The following LRRIQ1 variants were observed in gnomAD, a reference collection of about 807,000 sequenced individuals.
The protein encoded by LRRIQ1 is leucine-rich repeat- and IQ domain-containing protein 1.
In LRRIQ1, 210 loss-of-function variants were observed where a neutral mutation model predicts 211.9. The observed-to-expected ratio is 0.99, with a 90% CI of 0.89 to 1.11. The LOEUF (loss-of-function observed/expected upper bound fraction) is 1.11. Ranked by LOEUF, LRRIQ1 falls within the 50% of genes most tolerant of loss-of-function variation. LRRIQ1 has a pLI of 0.00. For missense variants in LRRIQ1, 2,136 were observed against 1,939.5 expected, an observed-to-expected ratio of 1.10 and a Z score of -1.90; for synonymous variants, 699 against 650.1, an observed-to-expected ratio of 1.08 and a Z score of -1.14.
chr12:85,082,279 C>T (rs921424033), intron 11 of LRRIQ1, among the ~76,000 whole-genome samples: 2 of 152,012 alleles, frequency 1.3e-5, no homozygotes, highest in Admixed American at 6.6e-5. Flanking sequence ...AGAATGCTAT[C>T]GGTTATTTTT....
chr12:85,086,395 A>C (rs1416104579), intron 11 of LRRIQ1, among the ~76,000 whole-genome samples: 1 of 151,874 alleles, frequency 6.6e-6, no homozygotes, highest in Non-Finnish European at 1.5e-5. Flanking sequence ...CTGGTGGTTT[A>C]AAAGTGTGTA....
At chr12:85,272,269 A>G in the LRRIQ1 span, among the ~76,000 whole-genome samples, 1 of 152,206 alleles carries the variant, frequency 6.6e-6, no homozygotes, top group Non-Finnish European at 1.5e-5. Flanking sequence ...TCAAAGTTTT[A>G]TTAACCTAAA....
intron 24 of LRRIQ1, among the ~76,000 whole-genome samples, chr12:85,169,343 G>A (rs1258533748): frequency 6.6e-6 from 1 of 152,032 alleles, no homozygotes; most frequent in Non-Finnish European, 1.5e-5. Flanking sequence ...AATGTAAGTT[G>A]GAAGCCCTTA....
intron 24 of LRRIQ1, among the ~76,000 whole-genome samples, chr12:85,182,353 G>A (rs1432848512): frequency 3.3e-5 from 5 of 152,144 alleles, no homozygotes; most frequent in African/African-American, 1.2e-4. Flanking sequence ...GAGGTTGGTA[G>A]ATTAGAAGGA....
chr12:85,062,146 G>A (rs916570151), intron 8 of LRRIQ1, among the ~76,000 whole-genome samples: 4 of 151,716 alleles, frequency 2.6e-5, no homozygotes. Context: ...TTAATATAAT[G>A]TTTTTATAAT....
intron 24 of LRRIQ1, among the ~76,000 whole-genome samples, chr12:85,189,913 C>T (rs1182772783): frequency 7.1e-6 from 1 of 141,204 alleles, no homozygotes; most frequent in Non-Finnish European, 1.5e-5. Flanking sequence ...TCTGTAACTA[C>T]AGTTAATAAT....
chr12:85,148,932 G>A (rs1286774380), intron 19 of LRRIQ1, among the ~76,000 whole-genome samples: 2 of 151,808 alleles, frequency 1.3e-5, no homozygotes, highest in East Asian at 3.9e-4. Flanking sequence ...ATGTTTGTTG[G>A]CCATGTAAAT....
At chr12:85,211,429 GT>G (rs921338752) in intron 24 of LRRIQ1, among the ~76,000 whole-genome samples, 2 of 152,086 alleles carry the variant, frequency 1.3e-5, no homozygotes, top group Non-Finnish European at 2.9e-5. Context: ...CTGCAATAAT[GT>G]GTCAAATTTA....
At chr12:85,269,678 T>G in the LRRIQ1 span, among the ~76,000 whole-genome samples, 1 of 151,984 alleles carries the variant, frequency 6.6e-6, no homozygotes, top group Non-Finnish European at 1.5e-5. Context: ...TTGAGTTCCT[T>G]GAGGCCTTCA....
rs1338397740 is a variant in LRRIQ1, at chr12:85,138,918, G to A, written c.4329+949G>A. ...ATCATTGTAATCATGGTAGTCTTAC[G>A]TAGCAGATGTGTGAATGGAGTTCTA... On this transcript the variant is annotated intron_variant, in intron 19 of 26. Coordinates refer to ENST00000393217, the MANE Select transcript of LRRIQ1 (RefSeq NM_001079910.2). Among the ~76,000 whole-genome samples, 5 of 151,490 alleles carry A rather than the reference G, an allele frequency of 3.3e-5. No homozygotes were observed. In the East Asian group the frequency reaches 5.9e-4, roughly 18 times the overall value.
intron 8 of LRRIQ1, among the ~76,000 whole-genome samples, chr12:85,061,554 A>C (rs1454073229): frequency 1.3e-5 from 2 of 151,746 alleles, no homozygotes; most frequent in African/African-American, 4.8e-5. Flanking sequence ...CTAGAACTTA[A>C]TTGTGCTTGT....
intron 24 of LRRIQ1, 87 bp from the exon 25 acceptor site, chr12:85,229,430 T>C (rs911216690): frequency 5.3e-5 from 56 of 1,048,286 alleles, no homozygotes; most frequent in Non-Finnish European, 2.7e-5. Context: ...TTCTTTCTTG[T>C]GATAAAATGT....
At chr12:85,077,059 G>A (rs1048677609) in intron 11 of LRRIQ1, among the ~76,000 whole-genome samples, 3 of 152,108 alleles carry the variant, frequency 2.0e-5, no homozygotes, top group East Asian at 1.9e-4. Flanking sequence ...AGTCTCAAGT[G>A]CAACTTTGTA....
chr12:85,193,770 A>C (rs1379531168), intron 24 of LRRIQ1, among the ~76,000 whole-genome samples: 4,560 of 150,430 alleles, frequency 0.03, 211 homozygotes, highest in East Asian at 0.2. Flanking sequence ...TCAACTAACG[A>C]GCAAAATAAC....
In LRRIQ1 at chr12:85,184,083, C is replaced by T. The variant is rs140857349; in HGVS notation, c.4822+23369C>T. ...TCCTGTCCCTAAATAAGGTTGTGAC[C>T]CAGGTCTTAGAGTGCGAAACTCAGA... On this transcript the variant is annotated intron_variant, in intron 24 of 26. Transcript: ENST00000393217. 6.8e-3 allele frequency among the ~76,000 whole-genome samples: 1,034 copies of T among 151,984 alleles called. 6 individuals carry two copies. Among genetic ancestry groups the T allele is most frequent in the Middle Eastern group, 0.02 (6 of 294 alleles).
chr12:85,045,926 T>A (rs1879494767), intron 4 of LRRIQ1, 94 bp from the exon 5 acceptor site: 6 of 562,172 alleles, frequency 1.1e-5, no homozygotes, highest in African/African-American at 3.7e-5. Context: ...AAATTCTTGG[T>A]ATATACATAT....
intron 24 of LRRIQ1, among the ~76,000 whole-genome samples, chr12:85,170,514 T>TAA (rs960875536): frequency 6.6e-6 from 1 of 150,470 alleles, no homozygotes; most frequent in African/African-American, 2.4e-5. Context: ...AATATATATA[T>TAA]AACATATATA....
At chr12:85,176,032 A>G (rs1447114899) in intron 24 of LRRIQ1, among the ~76,000 whole-genome samples, 3 of 151,970 alleles carry the variant, frequency 2.0e-5, no homozygotes, top group East Asian at 1.9e-4. Flanking sequence ...GTTTTTTCCA[A>G]TTCTGTGAAG....
chr12:85,219,714 T>C (rs1894310237), intron 24 of LRRIQ1, among the ~76,000 whole-genome samples: 1 of 152,130 alleles, frequency 6.6e-6, no homozygotes, highest in Non-Finnish European at 1.5e-5. Context: ...TTTAAACTTT[T>C]GCACCAACAA....
Sources: gnomAD v4.1 joint callset for allele counts (sites outside exome capture counted in the v4.1 genomes callset) on GRCh38, gnomAD v4.1.1 for gene constraint, MANE v1.5 for transcripts, NCBI Gene and HGNC (gene_info 2026-07-23, HGNC 2026-07-21) for gene names.